Variants in PTPRR observed in about 807,000 individuals in gnomAD.
PTPRR encodes the protein receptor-type tyrosine-protein phosphatase R.
In PTPRR, 38 loss-of-function variants were observed where a neutral mutation model predicts 77.2. The ratio of observed to expected loss-of-function variants is 0.49; its 90% confidence interval spans 0.38 to 0.65. The LOEUF is 0.65. PTPRR is among the 30% of genes least tolerant of loss of function. PTPRR has a pLI of 0.00. For synonymous variants in PTPRR, 299 were observed against 283.1 expected (o/e 1.06, Z -0.57); for missense variants, 744 against 799.2 (o/e 0.93, Z 0.83).
chr12:70,907,144 T>C (rs1214790091), intron 1 of PTPRR: 1 of 152,208 alleles, frequency 6.6e-6, no homozygotes, highest in Non-Finnish European at 1.5e-5. Context: ...TTCTTTAATA[T>C]TATTTAAACT....
intron 6 of PTPRR, among the ~76,000 whole-genome samples, chr12:70,729,387 C>T (rs73341025): frequency 1.2e-3 from 182 of 152,038 alleles, no homozygotes; most frequent in African/African-American, 3.4e-3. Flanking sequence ...TTCCCCAACC[C>T]TGGACCAGAG....
intron 6 of PTPRR, among the ~76,000 whole-genome samples, chr12:70,715,434 A>T (rs1888987798): frequency 6.6e-6 from 1 of 152,204 alleles, no homozygotes; most frequent in African/African-American, 2.4e-5. Context: ...ACATCTTATC[A>T]GGAGACAGGG....
chr12:70,732,053 G>A (rs1889680822), intron 6 of PTPRR, among the ~76,000 whole-genome samples: 1 of 152,216 alleles, frequency 6.6e-6, no homozygotes, highest in Non-Finnish European at 1.5e-5. Context: ...AAAACGGACA[G>A]GTGTTTGAGT....
At chr12:70,817,343 T>A (rs1253093452) in intron 2 of PTPRR, among the ~76,000 whole-genome samples, 1 of 152,182 alleles carries the variant, frequency 6.6e-6, no homozygotes, top group Non-Finnish European at 1.5e-5. Context: ...TGCCAATGGA[T>A]AAGGTCTGTA....
At chr12:70,701,395 C>T in intron 6 of PTPRR, 72 bp from the exon 7 acceptor site, 2 of 1,337,436 alleles carry the variant, frequency 1.5e-6, no homozygotes, top group South Asian at 1.3e-5. Context: ...TCTTTCTGTA[C>T]ATGCACACAA....
chr12:70,713,209 T>G (rs1888895707), intron 6 of PTPRR, among the ~76,000 whole-genome samples: 1 of 152,190 alleles, frequency 6.6e-6, no homozygotes, highest in South Asian at 2.1e-4. Context: ...TTCATCCATG[T>G]TGTAGCATCT....
intron 2 of PTPRR, among the ~76,000 whole-genome samples, chr12:70,873,829 ACT>A (rs1893002539): frequency 6.6e-6 from 1 of 152,224 alleles, no homozygotes; most frequent in South Asian, 2.1e-4. Context: ...TGTTTGGGAC[ACT>A]CTAAAAATCA....
chr12:70,833,390 T>C (rs1592783711), intron 2 of PTPRR, among the ~76,000 whole-genome samples: 5 of 151,678 alleles, frequency 3.3e-5, no homozygotes, highest in Admixed American at 3.3e-4. Context: ...AAAATGGAGG[T>C]GATGAATTCA....
At chr12:70,691,704 C>T (rs528424365) in intron 8 of PTPRR, among the ~76,000 whole-genome samples, 8 of 152,216 alleles carry the variant, frequency 5.3e-5, no homozygotes, top group Admixed American at 1.3e-4. Flanking sequence ...CTCTACAGTC[C>T]GTGTAGAGTT....
At chr12:70,861,844 A>G (rs1323684243) in intron 2 of PTPRR, among the ~76,000 whole-genome samples, 1 of 152,200 alleles carries the variant, frequency 6.6e-6, no homozygotes, top group Non-Finnish European at 1.5e-5. Flanking sequence ...TTAATTGGCT[A>G]CTACCTTCCT....
chr12:70,886,602 GA>G (rs1368299460), intron 2 of PTPRR, among the ~76,000 whole-genome samples: 4 of 152,116 alleles, frequency 2.6e-5, no homozygotes, highest in Non-Finnish European at 5.9e-5. Flanking sequence ...ATTTGCTATT[GA>G]AAGGTTATAG....
intron 2 of PTPRR, among the ~76,000 whole-genome samples, chr12:70,891,342 A>C (rs1893332559): frequency 6.6e-6 from 1 of 152,150 alleles, no homozygotes. Context: ...TATGATGGTC[A>C]CTAAGGAAAT....
chr12:70,785,328 C>CTTCAT (rs113865425), intron 2 of PTPRR, among the ~76,000 whole-genome samples: 54,046 of 149,778 alleles, frequency 0.36, 10,651 homozygotes, highest in African/African-American at 0.54. Context: ...CTAGTTTTTC[C>CTTCAT]TTCATTAGTC....
At chr12:70,718,996 C>T (rs147561504) in intron 6 of PTPRR, among the ~76,000 whole-genome samples, 2 of 152,226 alleles carry the variant, frequency 1.3e-5, no homozygotes, top group Admixed American at 6.5e-5. Flanking sequence ...GAGATAAAAA[C>T]GAGGTGCTTA....
chr12:70,671,990 A>G (rs117154533), intron 10 of PTPRR: 45,567 of 1,301,264 alleles, frequency 0.035, 987 homozygotes, highest in Non-Finnish European at 0.039. Flanking sequence ...TCAACCCTCC[A>G]GAGACATGAG....
intron 5 of PTPRR, among the ~76,000 whole-genome samples, chr12:70,753,961 TA>T (rs1264465568): frequency 6.6e-6 from 1 of 152,168 alleles, no homozygotes; most frequent in East Asian, 1.9e-4. Context: ...ATCAAGTTAC[TA>T]AAAACTGCAT....
intron 2 of PTPRR, among the ~76,000 whole-genome samples, chr12:70,862,104 A>G (rs1052212182): frequency 1.3e-5 from 2 of 152,152 alleles, no homozygotes; most frequent in African/African-American, 2.4e-5. Context: ...GTAGTTGTTC[A>G]TAGTTCCCAG....
intron 2 of PTPRR, among the ~76,000 whole-genome samples, chr12:70,878,293 T>C (rs539820201): frequency 4.6e-5 from 7 of 152,212 alleles, no homozygotes; most frequent in African/African-American, 1.7e-4. Flanking sequence ...CAAAAGAAAC[T>C]ACCATCAGAG....
chr12:70,707,634 C>T (rs943920023), intron 6 of PTPRR, among the ~76,000 whole-genome samples: 1 of 152,066 alleles, frequency 6.6e-6, no homozygotes, highest in African/African-American at 2.4e-5. Flanking sequence ...TCCCTAATTA[C>T]TTTTCAGTCA....
Sources: gnomAD v4.1 joint callset for allele counts (sites outside exome capture counted in the v4.1 genomes callset) on GRCh38, gnomAD v4.1.1 for gene constraint, MANE v1.5 for transcripts, NCBI Gene and HGNC (gene_info 2026-07-23, HGNC 2026-07-21) for gene names.